Variants in CTNNAL1 observed in about 807,000 individuals in gnomAD.
CTNNAL1 encodes alpha-catulin.
CTNNAL1 carries 69 observed loss-of-function variants against 93.6 expected under a neutral mutation model. The ratio of observed to expected loss-of-function variants is 0.74; its 90% CI spans 0.61 to 0.90. CTNNAL1 has a LOEUF of 0.90. Among genes scored for constraint, CTNNAL1 ranks in the 40% least tolerant of loss-of-function variants. The pLI is 0.00. For synonymous variants in CTNNAL1, 286 were observed against 305.4 expected (o/e 0.94, Z 0.66); for missense variants, 836 against 862.0 (o/e 0.97, Z 0.38).
chr9:108,999,324 C>A, intron 1 of CTNNAL1, 68 bp from the exon 2 acceptor site: 1 of 1,479,550 alleles, frequency 6.8e-7, no homozygotes, highest in South Asian at 1.4e-5. Flanking sequence ...ATCACAAAGT[C>A]AAAGAAAATG....
intron 4 of CTNNAL1, among the ~76,000 whole-genome samples, chr9:108,990,256 G>A (rs1831748178): frequency 6.6e-6 from 1 of 151,598 alleles, no homozygotes; most frequent in Non-Finnish European, 1.5e-5. Flanking sequence ...AATTAAATGA[G>A]ATCATGTATA....
At chr9:108,944,818 A>G (rs1306207643) in intron 15 of CTNNAL1, among the ~76,000 whole-genome samples, 1 of 152,168 alleles carries the variant, frequency 6.6e-6, no homozygotes, top group Admixed American at 6.5e-5. Context: ...GGAGGAGGCA[A>G]TAATTCCAGG....
Position 108,983,140 on chromosome 9 carries a change from C to A in CTNNAL1, c.900+5G>T. 6.7e-7 allele frequency: 1 copy of A among 1,496,762 alleles called. No homozygotes were observed. The allele number at this position is 1,496,762 out of a possible 1,614,324, so 92.7% of individuals were successfully genotyped here. A position where few individuals can be genotyped will look rare whatever the true frequency, so the allele number is the denominator to read the frequency against. The stretch of plus-strand genomic sequence containing the variant: ...AAAATAAAAATATACTCTCTTTATT[C>A]TTACCTTGAATTCCTTAATTCCAGT... On this transcript the variant is annotated splice_donor_5th_base_variant and intron_variant, in intron 6 of 18. Transcript: ENST00000325551.
At chr9:108,950,094 A>G (rs895081812) in intron 14 of CTNNAL1, among the ~76,000 whole-genome samples, 1 of 152,142 alleles carries the variant, frequency 6.6e-6, no homozygotes, top group African/African-American at 2.4e-5. Flanking sequence ...TACATATCAA[A>G]CTATATTCAT....
intron 4 of CTNNAL1, among the ~76,000 whole-genome samples, chr9:108,990,367 A>G (rs1452092296): frequency 1.3e-5 from 2 of 152,230 alleles, no homozygotes; most frequent in Non-Finnish European, 1.5e-5. Flanking sequence ...AGATACTATA[A>G]GAATACATAT....
chr9:108,999,471 C>T (rs944875943), intron 1 of CTNNAL1, among the ~76,000 whole-genome samples: 1 of 152,156 alleles, frequency 6.6e-6, no homozygotes, highest in Non-Finnish European at 1.5e-5. Flanking sequence ...CACCTGAGGG[C>T]AGTTATCTGG....
At chr9:108,951,040 C>T (rs1022831230) in intron 14 of CTNNAL1, among the ~76,000 whole-genome samples, 17 of 151,760 alleles carry the variant, frequency 1.1e-4, no homozygotes, top group African/African-American at 3.9e-4. Context: ...GATGGAGTCT[C>T]ACCCTGTCAC....
At chr9:108,949,806 T>G (rs1398053629) in intron 14 of CTNNAL1, among the ~76,000 whole-genome samples, 1 of 152,054 alleles carries the variant, frequency 6.6e-6, no homozygotes, top group Non-Finnish European at 1.5e-5. Flanking sequence ...ATTGCACCAC[T>G]GCACTCCAGC....
intron 12 of CTNNAL1, among the ~76,000 whole-genome samples, chr9:108,953,198 T>C (rs1488260517): frequency 2.0e-5 from 3 of 152,246 alleles, no homozygotes; most frequent in Non-Finnish European, 4.4e-5. Flanking sequence ...TATTCCATCC[T>C]AGTTAGACCA....
At chr9:108,976,524 A>C (rs1831269093) in intron 8 of CTNNAL1, among the ~76,000 whole-genome samples, 1 of 151,992 alleles carries the variant, frequency 6.6e-6, no homozygotes, top group South Asian at 2.1e-4. Context: ...ATGTCAAAGG[A>C]AAACTTTTTT....
chr9:108,984,460 A>T (rs1831538733), intron 4 of CTNNAL1, 24 bp from the exon 5 acceptor site: 6 of 1,379,046 alleles, frequency 4.4e-6, no homozygotes, highest in Admixed American at 1.7e-5. Flanking sequence ...AAAATCACGG[A>T]GGAGTCTAAG....
intron 14 of CTNNAL1, among the ~76,000 whole-genome samples, chr9:108,951,156 G>T (rs532735088): frequency 6.7e-6 from 1 of 149,108 alleles, no homozygotes. Flanking sequence ...GATTACAGGC[G>T]CCCGCCACCA....
intron 4 of CTNNAL1, among the ~76,000 whole-genome samples, chr9:108,989,539 T>C (rs556679293): frequency 4.5e-4 from 69 of 152,268 alleles, no homozygotes; most frequent in Middle Eastern, 3.4e-3. Context: ...CCAGCTGCAA[T>C]TGGGAAAGTT....
intron 1 of CTNNAL1, among the ~76,000 whole-genome samples, chr9:109,004,429 T>C (rs543019135): frequency 1.1e-4 from 17 of 152,320 alleles, no homozygotes; most frequent in Admixed American, 3.3e-4. Flanking sequence ...AATCCAGATA[T>C]TCTGACTGCA....
intron 15 of CTNNAL1, among the ~76,000 whole-genome samples, 171 bp downstream of exon 15, chr9:108,948,015 A>C (rs1466719326): frequency 6.6e-6 from 1 of 152,226 alleles, no homozygotes; most frequent in East Asian, 1.9e-4. Flanking sequence ...TAGTTTTGCA[A>C]AATGTCATTG....
chr9:108,981,815 C>T (rs1334835831), intron 6 of CTNNAL1, among the ~76,000 whole-genome samples: 1 of 152,156 alleles, frequency 6.6e-6, no homozygotes, highest in Admixed American at 6.5e-5. Context: ...ATCCAAGCTA[C>T]TCAGGAGGCT....
At chr9:108,970,322 T>A in intron 10 of CTNNAL1, 80 bp downstream of exon 10, 1 of 1,293,748 alleles carries the variant, frequency 7.7e-7, no homozygotes, top group South Asian at 1.8e-5. Context: ...TGAAAAACCA[T>A]TTATACCTTC....
intron 1 of CTNNAL1, among the ~76,000 whole-genome samples, chr9:109,011,651 A>G (rs1300227823): frequency 6.6e-6 from 1 of 152,250 alleles, no homozygotes; most frequent in East Asian, 1.9e-4. Flanking sequence ...GACACAGCAT[A>G]GTGTAGCAAA....
intron 8 of CTNNAL1, among the ~76,000 whole-genome samples, chr9:108,975,717 T>G (rs1303928955): frequency 1.3e-5 from 2 of 152,210 alleles, no homozygotes; most frequent in Non-Finnish European, 2.9e-5. Flanking sequence ...GTAAACTTTT[T>G]CTGTGAAGGG....
Sources: allele counts gnomAD v4.1 joint callset (sites outside exome capture counted in the v4.1 genomes callset), GRCh38; gene constraint gnomAD v4.1.1; transcripts MANE v1.5; gene names NCBI Gene and HGNC (gene_info 2026-07-23, HGNC 2026-07-21).